CLSTN1: variants seen among roughly 807,000 people sequenced by gnomAD.
CLSTN1 encodes the protein calsyntenin 1.
A neutral mutation model predicts 108.3 loss-of-function variants in CLSTN1; 28 were observed. The observed-to-expected ratio is 0.26, with a 90% confidence interval of 0.19 to 0.35. The LOEUF is 0.35. Ranked by LOEUF, CLSTN1 falls within the 10% of genes least tolerant of loss-of-function variation. The pLI, the probability that CLSTN1 is intolerant of heterozygous loss-of-function variation, is 1.00. For missense variants in CLSTN1, 1,157 were observed against 1,302.6 expected (o/e 0.89, Z 1.72); for synonymous variants, 524 against 534.9 (o/e 0.98, Z 0.28).
intron 1 of CLSTN1, among the ~76,000 whole-genome samples, chr1:9,784,406 G>C (rs1653389188): frequency 6.6e-6 from 1 of 152,124 alleles, no homozygotes; most frequent in East Asian, 1.9e-4. Flanking sequence ...TACTCGGGAG[G>C]CTGAGACAGG....
chr1:9,737,028 G>A (rs1246432835), intron 11 of CLSTN1, among the ~76,000 whole-genome samples: 12 of 151,894 alleles, frequency 7.9e-5, no homozygotes, highest in African/African-American at 1.9e-4. Flanking sequence ...AGCCAAGACC[G>A]CGCCACTGCA....
At chr1:9,821,139 G>C (rs1335467033) in intron 1 of CLSTN1, among the ~76,000 whole-genome samples, 1 of 152,182 alleles carries the variant, frequency 6.6e-6, no homozygotes, top group African/African-American at 2.4e-5. Context: ...TTGGCTTACT[G>C]AATTTGTTTT....
At chr1:9,800,646 C>T (rs182091176) in intron 1 of CLSTN1, among the ~76,000 whole-genome samples, 180 of 150,116 alleles carry the variant, frequency 1.2e-3, no homozygotes, top group African/African-American at 3.5e-3. Context: ...AGGAGAATGA[C>T]GTGAACCCAG....
rs771468126 is a variant in CLSTN1 at position 9,731,358 on chromosome 1, C to T, written c.2596G>A (p.Val866Met). The change falls in exon 18 of 19, where the codon GTG becomes ATG. Residue 866 changes from valine to methionine, a missense_variant. Val to Met is a conservative substitution (Grantham distance 21). Transcript: ENST00000377298. ...VPSTATVVIVVCVSFLVFMII... is the reference protein window; with the variant it reads ...VPSTATVVIVMCVSFLVFMII... ...ATGAACACCAGGAAGCTGACGCACA[C>T]CACGATCACAACTGTCGCAGTGCTG... 9.9e-6 allele frequency: 16 copies of T among 1,614,242 alleles called. No individual in the cohort carries two copies. Among genetic ancestry groups the T allele is most frequent in the Non-Finnish European group, 1.4e-5 (16 of 1,180,042 alleles).
chr1:9,807,079 G>A (rs1245202465), intron 1 of CLSTN1, among the ~76,000 whole-genome samples: 2 of 152,028 alleles, frequency 1.3e-5, no homozygotes, highest in East Asian at 1.9e-4. Flanking sequence ...AGGTGCGGCA[G>A]AAAGAGTCCC....
chr1:9,817,478 C>G (rs1655019428), intron 1 of CLSTN1, among the ~76,000 whole-genome samples: 1 of 152,112 alleles, frequency 6.6e-6, no homozygotes. Flanking sequence ...CAGGCATGCG[C>G]CACCACACCC....
chr1:9,744,497 C>A lies in CLSTN1; in HGVS notation c.1132G>T (p.Val378Leu). 2 of 1,612,620 alleles carry A rather than the reference C, an allele frequency of 1.2e-6. No homozygotes were observed. Among genetic ancestry groups the A allele is most frequent in the Non-Finnish European group, 1.7e-6 (2 of 1,179,998 alleles). Reference protein sequence around the residue: ...TQAVRIPDGVVSVSPKEPFTI... With the variant: ...TQAVRIPDGVLSVSPKEPFTI... ...AACGGCTCTTTGGGGCTGACCGACA[C>A]GACGCCATCCGGGATCCTCACTGCC... The change falls in exon 8 of 19, where the codon GTG becomes TTG. Residue 378 changes from valine to leucine, a missense_variant. Coordinates refer to ENST00000377298, the MANE Select transcript of CLSTN1 (RefSeq NM_001009566.3).
In CLSTN1 at chr1:9,749,485, C is replaced by G; in HGVS notation, c.961G>C (p.Glu321Gln). ...CCACAGAGCCGGTGGAGGGACTTCTCTGAGTAGGTGTCTCGGTCGCAGCCT... is the reference window on the plus strand; with the variant it reads ...CCACAGAGCCGGTGGAGGGACTTCTGTGAGTAGGTGTCTCGGTCGCAGCCT... ...GKGCDRDTYS[E>Q]KSLHRLCGAA... is the part of the protein sequence containing the mutation. Residue 321 changes from glutamate to glutamine, a missense_variant, in exon 7 of 19, where the codon GAG (glutamate) becomes CAG (glutamine). Coordinates refer to ENST00000377298, the MANE Select transcript of CLSTN1 (RefSeq NM_001009566.3). The G allele has an allele frequency of 2.5e-6, 4 of 1,613,254 alleles. No individual in the cohort carries two copies. The highest frequency in any genetic ancestry group is 2.5e-6 in the Non-Finnish European group (3 of 1,179,802).
At position 9,729,865 on chromosome 1, in the gene CLSTN1, TGGGCGGGGTG is replaced by T. The variant is rs959980204; in HGVS notation, c.*633_*642del. The T allele has an allele frequency of 6.5e-6, 1 of 153,496 alleles. No individual in the cohort carries two copies. Among genetic ancestry groups the T allele is most frequent in the African/African-American group, 2.4e-5 (1 of 41,224 alleles). The allele number at this position is 153,496 out of a possible 1,614,324, so 9.5% of individuals were successfully genotyped here. On this transcript the variant is annotated 3_prime_UTR_variant, in exon 19 of 19. Coordinates refer to ENST00000377298, the MANE Select transcript of CLSTN1 (RefSeq NM_001009566.3). The stretch of plus-strand genomic sequence containing the variant: ...ACCTGAGCAGGGGCTGGGGCGGGGC[TGGGCGGGGTG>T]GGCCTCTCCCTCTGGGGTCTGGGGA...
Position 9,734,938 on chromosome 1 carries a change from A to G in CLSTN1, c.2110+10T>C. The G allele has an allele frequency of 6.2e-7, 1 of 1,608,954 alleles. No homozygotes were observed. The highest frequency in any genetic ancestry group is 2.2e-5 in the East Asian group (1 of 44,830). On this transcript the variant is annotated intron_variant, in intron 14 of 18. Coordinates refer to ENST00000377298, the MANE Select transcript of CLSTN1 (RefSeq NM_001009566.3). This position sits in a 1 kb window ranked among gnomAD's most constrained non-coding sequence, Gnocchi z 4.8. ...AGGCGAGGGAGCCCGCGCCCCACAG[A>G]GCACATTACCTGTGGGGTCCTCAGC...
intron 1 of CLSTN1, among the ~76,000 whole-genome samples, chr1:9,804,144 C>G (rs974171707): frequency 7.9e-5 from 12 of 151,828 alleles, no homozygotes; most frequent in Admixed American, 6.6e-4. Flanking sequence ...GGGCGGATCA[C>G]GAGGTCAAGA....
At chr1:9,795,614 G>A (rs575119186) in intron 1 of CLSTN1, among the ~76,000 whole-genome samples, 1 of 151,412 alleles carries the variant, frequency 6.6e-6, no homozygotes, top group African/African-American at 2.4e-5. Context: ...GGGAAGACAT[G>A]AAGGAAAAAG....
chr1:9,790,229 T>C (rs1025636752), intron 1 of CLSTN1, among the ~76,000 whole-genome samples: 2 of 151,394 alleles, frequency 1.3e-5, no homozygotes, highest in African/African-American at 4.8e-5. Flanking sequence ...GTTTCCACAA[T>C]GTCGCCAATT....
In CLSTN1 at chr1:9,734,553, C is replaced by A. The variant is rs976930024; in HGVS notation, c.2110+395G>T. 6.8e-6 allele frequency among the ~76,000 whole-genome samples: 1 copy of A among 147,076 alleles called. No homozygotes were observed. The highest frequency in any genetic ancestry group is 2.0e-4 in the East Asian group (1 of 4,964). On this transcript the variant is annotated intron_variant, in intron 14 of 18. Transcript: ENST00000377298. The surrounding 1 kb of genome is among the most constrained non-coding windows in gnomAD (Gnocchi z 4.8). Reference sequence around the variant, plus strand: ...TGACACCATTGCACTCCAGCCTGGGCGACAGAGTGAGACTCCATCTCAAAA... The same window carrying A: ...TGACACCATTGCACTCCAGCCTGGGAGACAGAGTGAGACTCCATCTCAAAA...
intron 2 of CLSTN1, among the ~76,000 whole-genome samples, chr1:9,769,934 G>C (rs1488179524): frequency 6.6e-6 from 1 of 151,956 alleles, no homozygotes; most frequent in African/African-American, 2.4e-5. Context: ...GGAGGCTGAG[G>C]CAGGAGAATG....
At chr1:9,820,180 T>G (rs1266626335) in intron 1 of CLSTN1, among the ~76,000 whole-genome samples, 2 of 152,080 alleles carry the variant, frequency 1.3e-5, no homozygotes, top group African/African-American at 4.8e-5. Flanking sequence ...GGCCCCATGA[T>G]CCTTGAAAAT....
At chr1:9,754,539 A>C (rs529049840) in intron 4 of CLSTN1, among the ~76,000 whole-genome samples, 14 of 152,100 alleles carry the variant, frequency 9.2e-5, no homozygotes, top group African/African-American at 3.1e-4. Flanking sequence ...AGCTTGGGTG[A>C]AACAGCGAAA....
chr1:9,768,376 G>A (rs1406622004), intron 2 of CLSTN1, among the ~76,000 whole-genome samples: 2 of 138,324 alleles, frequency 1.4e-5, no homozygotes, highest in African/African-American at 5.5e-5. Context: ...TGTGTTGGGC[G>A]GCACCATGGG....
At chr1:9,796,240 C>T (rs138059562) in intron 1 of CLSTN1, among the ~76,000 whole-genome samples, 1,882 of 140,474 alleles carry the variant, frequency 0.013, 41 homozygotes, top group African/African-American at 0.045. Flanking sequence ...CCAGCCTGGG[C>T]GACAGGGCAA....
Sources: allele counts gnomAD v4.1 joint callset (sites outside exome capture counted in the v4.1 genomes callset), GRCh38; gene constraint gnomAD v4.1.1; non-coding constraint Gnocchi (gnomAD v3.1); transcripts MANE v1.5; gene names NCBI Gene and HGNC (gene_info 2026-07-23, HGNC 2026-07-21).